The following KLHL26 variants were observed in gnomAD, a reference collection of about 807,000 sequenced individuals.
The protein encoded by KLHL26 is kelch-like protein 26.
A neutral mutation model predicts 7.1 loss-of-function variants in KLHL26; 4 were observed. The observed-to-expected ratio is 0.56, with a 90% confidence interval of 0.28 to 1.28. KLHL26 has a LOEUF of 1.28. Among genes scored for constraint, KLHL26 ranks in the 50% most tolerant of loss-of-function variants. KLHL26 has a pLI of 0.11. For missense variants in KLHL26, 896 were observed against 924.6 expected, an observed-to-expected ratio of 0.97 and a Z score of 0.40; for synonymous variants, 465 against 414.1, an observed-to-expected ratio of 1.12 and a Z score of -1.49.
intron 1 of KLHL26, among the ~76,000 whole-genome samples, chr19:18,658,823 C>T (rs1186653714): frequency 3.8e-5 from 5 of 131,192 alleles, no homozygotes; most frequent in African/African-American, 1.2e-4. Context: ...GCTGGGCCTC[C>T]GTCTCTCCCT....
At position 18,668,592 on chromosome 19, in the gene KLHL26, A is replaced by G. The variant is rs2052484847; in HGVS notation, c.1195A>G (p.Met399Val). 4 of 1,590,176 alleles carry G rather than the reference A, an allele frequency of 2.5e-6. No homozygotes were observed. In the South Asian group the frequency reaches 3.3e-5, roughly 13 times the overall value. Residue 399 changes from methionine (M) to valine (V), a missense_variant, in exon 3 of 3, where the codon ATG becomes GTG. Transcript: ENST00000300976. ...HLNRWLRLQA[M>V]QESRIQFQLN... ...GAATCGCTGGCTGCGCCTGCAGGCC[A>G]TGCAGGAAAGCCGCATCCAGTTCCA...
In KLHL26 at chr19:18,656,314, G is replaced by A. The variant is rs1028572711; in HGVS notation, c.84-7947G>A. ...CACTGGGTCCTTGGGGTCATTGGTC[G>A]TGGTCCTTTCCAATTGATCCTCGAT... On this transcript the variant is annotated intron_variant, in intron 1 of 2. Transcript: ENST00000300976. This position sits in a 1 kb window ranked among gnomAD's most constrained non-coding sequence, Gnocchi z 4.4. Among the ~76,000 whole-genome samples, 12 of 152,272 alleles carry A rather than the reference G, an allele frequency of 7.9e-5. No individual in the cohort carries two copies. The highest frequency in any genetic ancestry group is 2.1e-4 in the South Asian group (1 of 4,820).
chr19:18,662,729 A>T (rs925085509), intron 1 of KLHL26, among the ~76,000 whole-genome samples: 1 of 152,098 alleles, frequency 6.6e-6, no homozygotes, highest in South Asian at 2.1e-4. Flanking sequence ...AGAGCGGCCC[A>T]TGAGCCTGCG....
intron 1 of KLHL26, 84 bp downstream of exon 1, chr19:18,637,221 G>C (rs1346905104): frequency 3.3e-6 from 4 of 1,218,774 alleles, no homozygotes; most frequent in Non-Finnish European, 4.1e-6. Flanking sequence ...CTGAGGGGTT[G>C]AGGGGAGGCC....
rs896579475 is a variant in KLHL26, at chr19:18,648,659, C to T, written c.83+11522C>T. Among the ~76,000 whole-genome samples, 1 of 152,204 alleles carries T rather than the reference C, an allele frequency of 6.6e-6. No homozygotes were observed. Among genetic ancestry groups the T allele is most frequent in the Non-Finnish European group, 1.5e-5 (1 of 68,024 alleles). Reference sequence around the variant, plus strand: ...CTCTCCTTGCTCAGGGTTCGTGCCACTTGGAGCTCCCACAGTCCTTGAGGG... The same window carrying T: ...CTCTCCTTGCTCAGGGTTCGTGCCATTTGGAGCTCCCACAGTCCTTGAGGG... On this transcript the variant is annotated intron_variant, in intron 1 of 2. Transcript: ENST00000300976. The surrounding 1 kb of genome is among the most constrained non-coding windows in gnomAD (Gnocchi z 4.9).
At chr19:18,658,413 G>A (rs909785015) in intron 1 of KLHL26, among the ~76,000 whole-genome samples, 13 of 151,484 alleles carry the variant, frequency 8.6e-5, no homozygotes, top group Non-Finnish European at 1.8e-4. Flanking sequence ...CCCCACCCCT[G>A]CCACCATTTC....
At chr19:18,638,226 G>A (rs959884696) in intron 1 of KLHL26, among the ~76,000 whole-genome samples, 2 of 152,200 alleles carry the variant, frequency 1.3e-5, no homozygotes, top group East Asian at 3.8e-4. Flanking sequence ...TGATACTTAC[G>A]TGCTGTGGAG....
intron 1 of KLHL26, among the ~76,000 whole-genome samples, chr19:18,664,060 C>T (rs1437262015): frequency 1.3e-5 from 2 of 151,748 alleles, no homozygotes; most frequent in Admixed American, 6.6e-5. Flanking sequence ...AGCAGTCACT[C>T]CCCCCTCCCC....
intron 1 of KLHL26, among the ~76,000 whole-genome samples, chr19:18,662,120 C>T (rs189052189): frequency 9.1e-4 from 139 of 152,244 alleles, no homozygotes; most frequent in South Asian, 3.9e-3. Flanking sequence ...TGAGTGGCCC[C>T]GTGGTGAACT....
intron 1 of KLHL26, among the ~76,000 whole-genome samples, chr19:18,661,823 G>T (rs2052394552): frequency 6.6e-6 from 1 of 151,900 alleles, no homozygotes; most frequent in Non-Finnish European, 1.5e-5. Flanking sequence ...CTGACTGCAA[G>T]CGAGGCTGAC....
At chr19:18,639,921 T>C (rs1458632041) in intron 1 of KLHL26, among the ~76,000 whole-genome samples, 2 of 152,088 alleles carry the variant, frequency 1.3e-5, no homozygotes, top group African/African-American at 4.8e-5. Flanking sequence ...GAATCAGACA[T>C]GTGGCCTTTA....
rs1976812445 is a variant in KLHL26, at chr19:18,646,926, A to G, written c.83+9789A>G. Among the ~76,000 whole-genome samples the G allele has an allele frequency of 7.5e-6, 1 of 132,894 alleles. No individual in the cohort carries two copies. The highest frequency in any genetic ancestry group is 2.8e-5 in the African/African-American group (1 of 35,202). The allele number at this position is 132,894 out of a possible 152,430, so 87.2% of individuals were successfully genotyped here. Reference sequence around the variant, plus strand: ...GCTGGAGAGGGCAGGTTCCGCCAGGAGTAGGCCTGGGAGCAGGAGCTCGGC... The same window carrying G: ...GCTGGAGAGGGCAGGTTCCGCCAGGGGTAGGCCTGGGAGCAGGAGCTCGGC... On this transcript the variant is annotated intron_variant, in intron 1 of 2. Coordinates refer to ENST00000300976, the MANE Select transcript of KLHL26 (RefSeq NM_018316.3). The surrounding 1 kb of genome is among the most constrained non-coding windows in gnomAD (Gnocchi z 5.0).
intron 2 of KLHL26, among the ~76,000 whole-genome samples, chr19:18,665,456 G>A (rs896261471): frequency 6.6e-6 from 1 of 152,256 alleles, no homozygotes; most frequent in Non-Finnish European, 1.5e-5. Flanking sequence ...CCTGCCCTCA[G>A]GGCATCCCCT....
chr19:18,668,478 A>G lies in KLHL26; in HGVS notation c.1081A>G (p.Asn361Asp). 6.2e-7 allele frequency: 1 copy of G among 1,609,120 alleles called. No individual in the cohort carries two copies. Among genetic ancestry groups the G allele is most frequent in the South Asian group, 1.1e-5 (1 of 91,032 alleles). Residue 361 changes from asparagine to aspartate, a missense_variant, in exon 3 of 3, where the codon AAT becomes GAT. Asn to Asp is a conservative substitution (Grantham distance 23, BLOSUM62 1). Coordinates refer to ENST00000300976, the MANE Select transcript of KLHL26 (RefSeq NM_018316.3). ...CSHTCVAVLD[N>D]FVYVAGGQHL... is the part of the protein sequence containing the mutation. ...CCACACGTGCGTGGCCGTGCTGGAC[A>G]ATTTTGTGTACGTGGCCGGGGGGCA...
rs540699174 is a variant in KLHL26, at chr19:18,638,687, G to A, written c.83+1550G>A. Among the ~76,000 whole-genome samples, 12 of 152,242 alleles carry A rather than the reference G, an allele frequency of 7.9e-5. No homozygotes were observed. In the South Asian group the frequency reaches 2.1e-3, roughly 26 times the overall value. Reference sequence around the variant, plus strand: ...CTGGAGTGGGATAACCTGGGGCTAGGGCTTTTTTTATTTTTATTTTTTTGA... The same window carrying A: ...CTGGAGTGGGATAACCTGGGGCTAGAGCTTTTTTTATTTTTATTTTTTTGA... On this transcript the variant is annotated intron_variant, in intron 1 of 2. Coordinates refer to ENST00000300976, the MANE Select transcript of KLHL26 (RefSeq NM_018316.3).
At position 18,667,921 on chromosome 19, in the gene KLHL26, T is replaced by G; in HGVS notation, c.524T>G (p.Phe175Cys). The change falls in exon 3 of 3, where the codon TTC (phenylalanine) becomes TGC (cysteine). Residue 175 changes from phenylalanine (F) to cysteine (C), a missense_variant. Transcript: ENST00000300976. ...CLNIGQMATTFSLASLRESVD... is the reference protein window; with the variant it reads ...CLNIGQMATTCSLASLRESVD... The stretch of plus-strand genomic sequence containing the variant: ...AACATCGGCCAGATGGCCACCACCT[T>G]CAGCCTGGCCTCGCTGCGAGAGTCG... The G allele has an allele frequency of 6.2e-7, 1 of 1,611,882 alleles. No homozygotes were observed. Among genetic ancestry groups the G allele is most frequent in the Non-Finnish European group, 8.5e-7 (1 of 1,179,992 alleles).
Position 18,637,147 on chromosome 19 carries a change from G to C in KLHL26, c.83+10G>C. On this transcript the variant is annotated intron_variant, in intron 1 of 2. Coordinates refer to ENST00000300976, the MANE Select transcript of KLHL26 (RefSeq NM_018316.3). Reference sequence around the variant, plus strand: ...CCGAGCGCCCGAACAGGTGAGACCCGGCCCGCAGGATAGACCTGCACCTGT... The same window carrying C: ...CCGAGCGCCCGAACAGGTGAGACCCCGCCCGCAGGATAGACCTGCACCTGT... 2.3e-6 allele frequency: 3 copies of C among 1,331,118 alleles called. No homozygotes were observed. The highest frequency in any genetic ancestry group is 2.1e-5 in the South Asian group (1 of 48,448). 82.5% of individuals were successfully genotyped at this position (1,331,118 alleles called of 1,614,324 possible).
intron 1 of KLHL26, among the ~76,000 whole-genome samples, chr19:18,658,981 CCTT>C (rs1186822379): frequency 1.3e-5 from 2 of 151,810 alleles, no homozygotes; most frequent in South Asian, 2.1e-4. Context: ...GTCTCTGTCT[CCTT>C]CTCTCTGGGT....
intron 1 of KLHL26, among the ~76,000 whole-genome samples, chr19:18,647,200 T>C (rs1296627082): frequency 6.6e-6 from 1 of 152,224 alleles, no homozygotes; most frequent in Non-Finnish European, 1.5e-5. Context: ...AATCGTGCAG[T>C]GCGATCGTCA....
Sources: gnomAD v4.1 joint callset for allele counts (sites outside exome capture counted in the v4.1 genomes callset) on GRCh38, gnomAD v4.1.1 for gene constraint, Gnocchi (gnomAD v3.1) non-coding constraint, MANE v1.5 for transcripts, NCBI Gene and HGNC (gene_info 2026-07-23, HGNC 2026-07-21) for gene names.